TBCK: variants seen among roughly 807,000 people sequenced by gnomAD.
TBCK encodes TBC domain-containing protein kinase-like protein.
Under a neutral mutation model 113.4 loss-of-function variants are expected in TBCK, and 99 were observed. The ratio of observed to expected loss-of-function variants is 0.87; its 90% CI spans 0.74 to 1.03. TBCK has a LOEUF of 1.03. Ranked by LOEUF, TBCK falls within the 50% of genes least tolerant of loss-of-function variation. The pLI, the probability that TBCK is intolerant of heterozygous loss-of-function variation, is 0.00. For missense variants in TBCK, 1,045 were observed against 1,061.3 expected (o/e 0.98, Z 0.21); for synonymous variants, 369 against 370.8 (o/e 1.00, Z 0.05).
chr4:106,261,585 G>A (rs1213436413), intron 4 of TBCK, among the ~76,000 whole-genome samples: 5 of 152,160 alleles, frequency 3.3e-5, no homozygotes, highest in South Asian at 2.1e-4. Context: ...GGGTTTACAA[G>A]CTTCTTCTTA....
intron 25 of TBCK, among the ~76,000 whole-genome samples, chr4:106,059,259 C>T (rs1283057400): frequency 6.6e-6 from 1 of 151,584 alleles, no homozygotes; most frequent in African/African-American, 2.4e-5. Flanking sequence ...ATTGTATATA[C>T]AGGAACACCT....
chr4:106,187,817 TGTAA>T (rs1445417148), intron 22 of TBCK, among the ~76,000 whole-genome samples: 1 of 152,168 alleles, frequency 6.6e-6, no homozygotes, highest in African/African-American at 2.4e-5. Flanking sequence ...TATTGGCTAT[TGTAA>T]GTGAGATTGT....
At chr4:106,118,846 A>C (rs1051516306) in intron 23 of TBCK, among the ~76,000 whole-genome samples, 2 of 152,224 alleles carry the variant, frequency 1.3e-5, no homozygotes, top group African/African-American at 4.8e-5. Context: ...CAAAGGAAAG[A>C]GTATTGCTAT....
intron 2 of TBCK, among the ~76,000 whole-genome samples, chr4:106,307,679 A>C (rs1579586997): frequency 6.6e-6 from 1 of 152,252 alleles, no homozygotes; most frequent in East Asian, 1.9e-4. Flanking sequence ...TACGTCTACA[A>C]ATTATTTTAT....
intron 23 of TBCK, among the ~76,000 whole-genome samples, chr4:106,123,160 T>C (rs1177947207): frequency 1.3e-5 from 2 of 152,222 alleles, no homozygotes; most frequent in Admixed American, 1.3e-4. Flanking sequence ...CTTCAGCTGA[T>C]AAGCAACTTC....
chr4:106,308,092 A>C (rs1006644335), intron 2 of TBCK, among the ~76,000 whole-genome samples: 1 of 152,214 alleles, frequency 6.6e-6, no homozygotes, highest in Non-Finnish European at 1.5e-5. Context: ...TCCTTCATAT[A>C]GATAAAGAAA....
intron 19 of TBCK, among the ~76,000 whole-genome samples, chr4:106,217,794 C>A (rs942556746): frequency 1.6e-4 from 24 of 150,442 alleles, no homozygotes; most frequent in African/African-American, 5.8e-4. Flanking sequence ...CCATACTGCC[C>A]AAGGTAATTT....
At chr4:106,122,848 A>G (rs904871376) in intron 23 of TBCK, among the ~76,000 whole-genome samples, 4 of 152,176 alleles carry the variant, frequency 2.6e-5, no homozygotes, top group African/African-American at 4.8e-5. Flanking sequence ...AAAACTCTCA[A>G]TAAATGAGGT....
At position 106,171,105 on chromosome 4, in the gene TBCK, T is replaced by C. The variant is rs943073627; in HGVS notation, c.2225A>G (p.Lys742Arg). 3.8e-5 allele frequency: 61 copies of C among 1,605,170 alleles called. No individual in the cohort carries two copies. The highest frequency in any genetic ancestry group is 5.2e-5 in the Non-Finnish European group (61 of 1,177,366). ...TCCGCAAATACATACCAGATCTGTC[T>C]TTGGAGGATCTGGACACTCAGCAGA... Reference protein sequence around the residue: ...YFSAECPDPPKTDLSRESIPL... With the variant: ...YFSAECPDPPRTDLSRESIPL... The change falls in exon 23 of 26, where the codon AAG becomes AGG. Residue 742 changes from lysine to arginine, a missense_variant. By Grantham distance (26) the Lys-to-Arg change is conservative (BLOSUM62 2). Coordinates refer to ENST00000394708, the MANE Select transcript of TBCK (RefSeq NM_001163435.3).
rs1392011259 is a variant in TBCK, at chr4:106,076,861, G to GGGA, written c.2571+18618_2571+18620dup. ...CTCATGCTTATAATCCTAGCATTTT[G>GGGA]GGAGGCTGAGGTGGGCAGATTGCTT... On this transcript the variant is annotated intron_variant, in intron 25 of 25. Coordinates refer to ENST00000394708, the MANE Select transcript of TBCK (RefSeq NM_001163435.3). Among the ~76,000 whole-genome samples, 4 of 152,130 alleles carry GGGA rather than the reference G, an allele frequency of 2.6e-5. No homozygotes were observed. The East Asian group carries it at 7.7e-4, about 29-fold the overall frequency.
intron 25 of TBCK, among the ~76,000 whole-genome samples, chr4:106,064,870 T>TC (rs1335522447): frequency 2.0e-5 from 3 of 151,890 alleles, no homozygotes; most frequent in Non-Finnish European, 4.4e-5. Flanking sequence ...TACCTTATTT[T>TC]CCCACAGGGA....
intron 22 of TBCK, among the ~76,000 whole-genome samples, chr4:106,183,550 T>C (rs1752653049): frequency 6.6e-6 from 1 of 152,102 alleles, no homozygotes; most frequent in South Asian, 2.1e-4. Flanking sequence ...CTTATTTATT[T>C]TTATGGCCCC....
chr4:106,269,371 A>G (rs769885644), intron 3 of TBCK, among the ~76,000 whole-genome samples: 1 of 152,106 alleles, frequency 6.6e-6, no homozygotes, highest in Non-Finnish European at 1.5e-5. Flanking sequence ...GGTGTTTCCA[A>G]TGATGAGCTA....
intron 21 of TBCK, 65 bp downstream of exon 21, chr4:106,194,653 G>A: frequency 1.7e-6 from 2 of 1,199,368 alleles, no homozygotes; most frequent in South Asian, 2.6e-5. Context: ...TATAAAATAT[G>A]GGGAGGCATC....
chr4:106,071,898 T>C (rs113232175), intron 25 of TBCK, among the ~76,000 whole-genome samples: 1 of 152,224 alleles, frequency 6.6e-6, no homozygotes, highest in African/African-American at 2.4e-5. Flanking sequence ...AAGTCTGTTT[T>C]ATCAGAGACT....
chr4:106,052,833 G>GT (rs1734958484), intron 25 of TBCK, among the ~76,000 whole-genome samples: 1 of 151,606 alleles, frequency 6.6e-6, no homozygotes, highest in African/African-American at 2.4e-5. Flanking sequence ...TTCAACAATT[G>GT]TAACTTGTAG....
intron 24 of TBCK, among the ~76,000 whole-genome samples, chr4:106,097,778 C>T (rs1379704155): frequency 6.6e-6 from 1 of 151,916 alleles, no homozygotes. Context: ...ACTTTTTTCA[C>T]TTGTTGAGTA....
intron 23 of TBCK, chr4:106,164,502 A>G (rs1234327988): frequency 6.6e-6 from 1 of 151,874 alleles, no homozygotes; most frequent in Admixed American, 6.6e-5. Flanking sequence ...TTGAAAAGCC[A>G]AGTGTACAGT....
At chr4:106,316,570 C>G (rs1768910040), upstream of TBCK, 1 of 1,551,602 alleles carries the variant, frequency 6.4e-7, no homozygotes, top group Non-Finnish European at 8.7e-7. Flanking sequence ...GTGGCTGTCT[C>G]GGAACCCGTG....
Sources: allele counts gnomAD v4.1 joint callset (sites outside exome capture counted in the v4.1 genomes callset), GRCh38; gene constraint gnomAD v4.1.1; transcripts MANE v1.5; gene names NCBI Gene and HGNC (gene_info 2026-07-23, HGNC 2026-07-21).